Variants in GRIN2A observed in about 807,000 individuals in gnomAD.
GRIN2A encodes glutamate ionotropic receptor NMDA type subunit 2A.
A neutral mutation model predicts 113.4 loss-of-function variants in GRIN2A; 22 were observed. The ratio of observed to expected loss-of-function variants is 0.19; its 90% confidence interval spans 0.14 to 0.28. GRIN2A has a LOEUF of 0.28. Ranked by LOEUF, GRIN2A falls within the 10% of genes least tolerant of loss-of-function variation. GRIN2A has a pLI of 1.00. For missense variants in GRIN2A, 1,502 were observed against 1,887.0 expected (o/e 0.80, Z 3.78); for synonymous variants, 827 against 738.4 (o/e 1.12, Z -1.94).
chr16:10,094,332 C>T (rs118031941), intron 2 of GRIN2A, among the ~76,000 whole-genome samples: 1 of 152,272 alleles, frequency 6.6e-6, no homozygotes, highest in East Asian at 1.9e-4. Context: ...TGACTTTGAG[C>T]TGGTCATTCC....
chr16:10,073,221 G>A (rs2047795806), intron 2 of GRIN2A, among the ~76,000 whole-genome samples: 1 of 152,146 alleles, frequency 6.6e-6, no homozygotes. Flanking sequence ...CTACCAAAAT[G>A]CTGGGATTAC....
intron 2 of GRIN2A, among the ~76,000 whole-genome samples, chr16:10,040,027 A>C (rs1418133757): frequency 0.012 from 14 of 1,188 alleles, no homozygotes; most frequent in South Asian, 0.017. Flanking sequence ...ACCACACACA[A>C]ATATACTACA....
intron 10 of GRIN2A, among the ~76,000 whole-genome samples, chr16:9,813,072 G>C (rs1383349367): frequency 6.6e-6 from 1 of 152,224 alleles, no homozygotes; most frequent in Non-Finnish European, 1.5e-5. Context: ...TTCTCCACAA[G>C]CTGTCCTGTA....
At chr16:10,122,509 G>C (rs143979674) in intron 2 of GRIN2A, among the ~76,000 whole-genome samples, 1 of 152,112 alleles carries the variant, frequency 6.6e-6, no homozygotes, top group Non-Finnish European at 1.5e-5. Context: ...AAGGTCATTA[G>C]AGGCATGCGG....
intron 2 of GRIN2A, among the ~76,000 whole-genome samples, chr16:10,019,443 T>A (rs1173947992): frequency 1.3e-5 from 2 of 152,224 alleles, no homozygotes; most frequent in East Asian, 3.8e-4. Flanking sequence ...GGAGGAAATG[T>A]TTAATCTGTA....
chr16:9,786,512 C>G (rs1902239788), intron 11 of GRIN2A, among the ~76,000 whole-genome samples: 2 of 152,154 alleles, frequency 1.3e-5, no homozygotes, highest in African/African-American at 4.8e-5. Flanking sequence ...GTACCTTCTG[C>G]AGGGTAATGA....
At position 9,762,702 on chromosome 16, in the gene GRIN2A, T is replaced by G; in HGVS notation, c.*447A>C. Reference sequence around the variant, plus strand: ...CATTCTTAACTGTTTTTATTTTGTCTGTGTCAGGTTTACATGCACACCATA... The same window carrying G: ...CATTCTTAACTGTTTTTATTTTGTCGGTGTCAGGTTTACATGCACACCATA... On this transcript the variant is annotated 3_prime_UTR_variant, in exon 13 of 13. Coordinates refer to ENST00000330684, the MANE Select transcript of GRIN2A (RefSeq NM_001134407.3). The G allele has an allele frequency of 3.5e-6, 1 of 289,840 alleles. No individual in the cohort carries two copies. Among genetic ancestry groups the G allele is most frequent in the Non-Finnish European group, 6.5e-6 (1 of 153,020 alleles). 18.0% of individuals were successfully genotyped at this position (289,840 alleles called of 1,614,324 possible).
rs531486870 is a variant in GRIN2A at position 9,979,265 on chromosome 16, C to G, written c.415-40714G>C. ...TGCCTTATCTGTGAAATCTAAGGAA[C>G]AAGGAAGACAGTGCCACATGGTTAT... On this transcript the variant is annotated intron_variant, in intron 2 of 12. Transcript: ENST00000330684. Among the ~76,000 whole-genome samples, 10 of 152,274 alleles carry G rather than the reference C, an allele frequency of 6.6e-5. No homozygotes were observed. The South Asian group carries it at 1.5e-3, about 22-fold the overall frequency.
At chr16:9,953,643 T>C (rs781296483) in intron 2 of GRIN2A, among the ~76,000 whole-genome samples, 6 of 150,220 alleles carry the variant, frequency 4.0e-5, no homozygotes, top group Non-Finnish European at 7.4e-5. Context: ...AGAAGGAGAG[T>C]GTGTGTGGAA....
chr16:9,914,240 A>G (rs1335438537), intron 3 of GRIN2A, among the ~76,000 whole-genome samples: 2 of 152,220 alleles, frequency 1.3e-5, no homozygotes, highest in Non-Finnish European at 2.9e-5. Context: ...GGACAAAAAC[A>G]CCTAGGAAGA....
intron 2 of GRIN2A, among the ~76,000 whole-genome samples, chr16:10,147,636 C>CGAAA (rs1379416770): frequency 8.4e-6 from 1 of 118,598 alleles, no homozygotes; most frequent in Non-Finnish European, 1.7e-5. Context: ...GGCCCTGTCT[C>CGAAA]AAAAAAAAAA....
intron 2 of GRIN2A, among the ~76,000 whole-genome samples, chr16:10,108,114 T>C (rs1297715725): frequency 6.6e-6 from 1 of 152,220 alleles, no homozygotes; most frequent in African/African-American, 2.4e-5. Context: ...TCCATTTTCA[T>C]GCTGCTGATA....
At chr16:9,766,128 G>A (rs1432263342) in intron 12 of GRIN2A, among the ~76,000 whole-genome samples, 1 of 152,182 alleles carries the variant, frequency 6.6e-6, no homozygotes, top group Non-Finnish European at 1.5e-5. Flanking sequence ...GTCAGATCAA[G>A]GCTGCAGGAT....
intron 9 of GRIN2A, among the ~76,000 whole-genome samples, chr16:9,826,878 T>C (rs2042397722): frequency 2.6e-5 from 4 of 152,210 alleles, no homozygotes; most frequent in Non-Finnish European, 1.5e-5. Context: ...CAAAACTATG[T>C]AGTAAGGATT....
intron 4 of GRIN2A, among the ~76,000 whole-genome samples, chr16:9,862,688 A>G (rs1055691475): frequency 6.6e-6 from 1 of 152,178 alleles, no homozygotes; most frequent in African/African-American, 2.4e-5. Flanking sequence ...TGTGCTCTTA[A>G]AAGTGATGGG....
chr16:10,057,172 T>C (rs898273243), intron 2 of GRIN2A, among the ~76,000 whole-genome samples: 7 of 152,328 alleles, frequency 4.6e-5, no homozygotes, highest in Admixed American at 3.9e-4. Context: ...TGTTGTTCTG[T>C]GTGCTAAGTG....
At chr16:10,072,145 T>A (rs2047765007) in intron 2 of GRIN2A, among the ~76,000 whole-genome samples, 2 of 152,184 alleles carry the variant, frequency 1.3e-5, no homozygotes, top group African/African-American at 4.8e-5. Flanking sequence ...TCTTTCACCA[T>A]CGTGAGAGTG....
intron 2 of GRIN2A, among the ~76,000 whole-genome samples, chr16:10,066,880 C>G (rs750803196): frequency 6.6e-6 from 1 of 152,106 alleles, no homozygotes; most frequent in East Asian, 1.9e-4. Context: ...GGGAACAACC[C>G]AAATGTCCAT....
chr16:9,888,631 T>C (rs2043632581), intron 4 of GRIN2A, among the ~76,000 whole-genome samples: 1 of 152,022 alleles, frequency 6.6e-6, no homozygotes, highest in African/African-American at 2.4e-5. Context: ...TATAAGCTTA[T>C]TTAATATATA....
Sources: allele counts gnomAD v4.1 joint callset (sites outside exome capture counted in the v4.1 genomes callset), GRCh38; gene constraint gnomAD v4.1.1; transcripts MANE v1.5; gene names NCBI Gene and HGNC (gene_info 2026-07-23, HGNC 2026-07-21).